Variants in NKAIN3 observed in about 807,000 individuals in gnomAD.
NKAIN3 encodes the protein sodium/potassium transporting ATPase interacting 3.
A neutral mutation model predicts 30.2 loss-of-function variants in NKAIN3; 25 were observed. That is an observed-to-expected ratio of 0.83 (90% CI 0.60 to 1.16). The LOEUF (loss-of-function observed/expected upper bound fraction) is 1.16, where lower values mean the gene tolerates loss of function less well. Ranked by LOEUF, NKAIN3 falls within the 50% of genes most tolerant of loss-of-function variation. The pLI is 0.00. For synonymous variants in NKAIN3, 91 were observed against 89.6 expected, an observed-to-expected ratio of 1.02 and a Z score of -0.09; for missense variants, 225 against 254.1, an observed-to-expected ratio of 0.89 and a Z score of 0.78.
chr8:62,936,634 A>T (rs1459760419), intron 5 of NKAIN3, among the ~76,000 whole-genome samples: 1 of 152,208 alleles, frequency 6.6e-6, no homozygotes, highest in African/African-American at 2.4e-5. Flanking sequence ...TCTAAATGCT[A>T]TAGTGATTTA....
intron 1 of NKAIN3, among the ~76,000 whole-genome samples, chr8:62,340,878 A>G (rs1469400704): frequency 6.6e-6 from 1 of 150,462 alleles, no homozygotes; most frequent in Non-Finnish European, 1.5e-5. Flanking sequence ...AGCCTAATGA[A>G]AGTTTGGTCA....
At chr8:62,866,028 G>T (rs7018025) in intron 4 of NKAIN3, among the ~76,000 whole-genome samples, 106,119 of 152,040 alleles carry the variant, frequency 0.7, 37,782 homozygotes, top group African/African-American at 0.8. Flanking sequence ...AGAAAAAATA[G>T]GCTTCTCATT....
chr8:62,899,628 G>C (rs922797357), intron 4 of NKAIN3, among the ~76,000 whole-genome samples: 2 of 151,892 alleles, frequency 1.3e-5, no homozygotes, highest in African/African-American at 4.8e-5. Flanking sequence ...ATGGTTAATA[G>C]GTATAAAAAA....
chr8:62,443,667 C>A (rs773112228), intron 1 of NKAIN3, among the ~76,000 whole-genome samples: 29 of 152,012 alleles, frequency 1.9e-4, no homozygotes, highest in Non-Finnish European at 4.0e-4. Flanking sequence ...TATTGGGGTG[C>A]GTGAGTCACC....
At chr8:62,563,584 A>G (rs934106817) in intron 1 of NKAIN3, among the ~76,000 whole-genome samples, 4 of 152,164 alleles carry the variant, frequency 2.6e-5, no homozygotes, top group Non-Finnish European at 5.9e-5. Context: ...CACCAAAGGA[A>G]ATATTTCAAA....
At chr8:62,585,444 T>G (rs575071112) in intron 2 of NKAIN3, among the ~76,000 whole-genome samples, 2 of 152,300 alleles carry the variant, frequency 1.3e-5, no homozygotes, top group Non-Finnish European at 2.9e-5. Flanking sequence ...AGGTGCAAGG[T>G]GGAATGTGTA....
intron 1 of NKAIN3, among the ~76,000 whole-genome samples, chr8:62,394,501 G>A (rs920149703): frequency 7.3e-6 from 1 of 136,060 alleles, no homozygotes; most frequent in Admixed American, 7.7e-5. Flanking sequence ...TAATTTAAAA[G>A]TAAACTTTAA....
chr8:62,364,229 G>A (rs1033249480), intron 1 of NKAIN3, among the ~76,000 whole-genome samples: 2 of 152,190 alleles, frequency 1.3e-5, no homozygotes, highest in South Asian at 4.1e-4. Flanking sequence ...TTTACTTAAT[G>A]TGTATATTAA....
chr8:62,863,677 T>C, intron 4 of NKAIN3: 4 of 1,414,754 alleles, frequency 2.8e-6, no homozygotes, highest in Admixed American at 1.7e-5. Flanking sequence ...TGAGCAATTT[T>C]ATTTCATCCA....
intron 1 of NKAIN3, among the ~76,000 whole-genome samples, chr8:62,456,445 T>G (rs1001245283): frequency 6.6e-6 from 1 of 151,112 alleles, no homozygotes; most frequent in African/African-American, 2.4e-5. Context: ...CGTGAACCTG[T>G]GAGGCAGAGC....
chr8:62,814,237 C>G (rs1312757811), intron 4 of NKAIN3, among the ~76,000 whole-genome samples: 1 of 151,596 alleles, frequency 6.6e-6, no homozygotes, highest in Non-Finnish European at 1.5e-5. Flanking sequence ...GTTTTTAATG[C>G]CTTTCCCCAC....
chr8:62,903,085 A>C (rs762441273), intron 4 of NKAIN3, among the ~76,000 whole-genome samples: 23 of 152,204 alleles, frequency 1.5e-4, no homozygotes, highest in Non-Finnish European at 3.4e-4. Context: ...TGTCTCCACA[A>C]GTGCTTCCCA....
intron 1 of NKAIN3, among the ~76,000 whole-genome samples, chr8:62,254,153 CGTGTGTGTGTGTGTGTGTGT>C (rs10629239): frequency 6.6e-5 from 9 of 137,044 alleles, no homozygotes; most frequent in East Asian, 2.2e-4. Flanking sequence ...GCTTGGGTAT[CGTGTGTGTGTGTGTGTGTGT>C]GTGTGTGTGT....
At position 62,434,713 on chromosome 8, in the gene NKAIN3, C is replaced by T. The variant is rs1327232393; in HGVS notation, c.55-144826C>T. Among the ~76,000 whole-genome samples the T allele has an allele frequency of 1.2e-4, 19 of 152,066 alleles. 1 individual carries two copies. The highest frequency in any genetic ancestry group is 1.2e-3 in the Admixed American group (19 of 15,254). On this transcript the variant is annotated intron_variant, in intron 1 of 6. Coordinates refer to ENST00000623646, the MANE Select transcript of NKAIN3 (RefSeq NM_001304533.3). ...TTAATGCTAGGATTTTCCCAAATGTCTTTTGAAAGGCACACATCCTGCATA... is the reference window on the plus strand; with the variant it reads ...TTAATGCTAGGATTTTCCCAAATGTTTTTTGAAAGGCACACATCCTGCATA...
chr8:62,438,730 T>A (rs1454197392), intron 1 of NKAIN3, among the ~76,000 whole-genome samples: 1 of 152,042 alleles, frequency 6.6e-6, no homozygotes, highest in Non-Finnish European at 1.5e-5. Context: ...CCCAGCCAAT[T>A]TTTGTACTTT....
At chr8:62,419,133 G>A (rs764012002) in intron 1 of NKAIN3, among the ~76,000 whole-genome samples, 2 of 152,070 alleles carry the variant, frequency 1.3e-5, no homozygotes, top group Non-Finnish European at 2.9e-5. Context: ...CATTGATTCA[G>A]TGCATGCACT....
rs569475044 is a variant in NKAIN3 at position 62,972,855 on chromosome 8, G to A, written c.*7448G>A. Reference sequence around the variant, plus strand: ...CCCACTCCCCAACAGGCCCTGGTGTGTGATGTTCCCCTCCCTGTGCCCATA... The same window carrying A: ...CCCACTCCCCAACAGGCCCTGGTGTATGATGTTCCCCTCCCTGTGCCCATA... On this transcript the variant is annotated 3_prime_UTR_variant, in exon 7 of 7. Transcript: ENST00000623646. Among the ~76,000 whole-genome samples, 1 of 151,510 alleles carries A rather than the reference G, an allele frequency of 6.6e-6. No homozygotes were observed. Among genetic ancestry groups the A allele is most frequent in the Non-Finnish European group, 1.5e-5 (1 of 67,918 alleles).
intron 1 of NKAIN3, among the ~76,000 whole-genome samples, chr8:62,267,315 T>C (rs559084614): frequency 4.4e-4 from 67 of 152,350 alleles, no homozygotes; most frequent in Non-Finnish European, 7.6e-4. Flanking sequence ...TTTTTCCTTA[T>C]ACAGAAAACT....
At chr8:62,728,563 G>A (rs975937656) in intron 3 of NKAIN3, among the ~76,000 whole-genome samples, 1 of 150,224 alleles carries the variant, frequency 6.7e-6, no homozygotes, top group Non-Finnish European at 1.5e-5. Context: ...ACTCAGGAGG[G>A]CTGAGGCAGG....
Sources: allele counts gnomAD v4.1 joint callset (sites outside exome capture counted in the v4.1 genomes callset), GRCh38; gene constraint gnomAD v4.1.1; transcripts MANE v1.5; gene names NCBI Gene and HGNC (gene_info 2026-07-23, HGNC 2026-07-21).